The following ASTN2 variants were observed in gnomAD, a reference collection of about 807,000 sequenced individuals.
The protein encoded by ASTN2 is astrotactin 2.
ASTN2 carries 54 observed loss-of-function variants against 139.8 expected under a neutral mutation model. The observed-to-expected ratio is 0.39, with a 90% CI of 0.31 to 0.48. The LOEUF is 0.48. ASTN2 is among the 20% of genes least tolerant of loss of function. ASTN2 has a pLI of 0.95. For missense variants in ASTN2, 1,565 were observed against 1,725.1 expected (o/e 0.91, Z 1.64); for synonymous variants, 756 against 719.5 (o/e 1.05, Z -0.81).
At chr9:117,001,845 G>A (rs1158465228) in intron 7 of ASTN2, among the ~76,000 whole-genome samples, 1 of 152,090 alleles carries the variant, frequency 6.6e-6, no homozygotes, top group Non-Finnish European at 1.5e-5. Context: ...AGCTATATAT[G>A]AGCAGATTAT....
At chr9:116,499,394 T>C (rs1218742796) in intron 19 of ASTN2, among the ~76,000 whole-genome samples, 2 of 152,134 alleles carry the variant, frequency 1.3e-5, no homozygotes. Context: ...ACAACTAATG[T>C]TCATCCCTTA....
intron 2 of ASTN2, 138 bp downstream of exon 2, chr9:117,291,188 G>A: frequency 9.0e-7 from 1 of 1,115,006 alleles, no homozygotes. Flanking sequence ...GAATCCATCT[G>A]ATTTTCTGTT....
At chr9:117,337,766 T>C (rs987228886) in intron 1 of ASTN2, among the ~76,000 whole-genome samples, 2 of 152,074 alleles carry the variant, frequency 1.3e-5, no homozygotes, top group Non-Finnish European at 2.9e-5. Flanking sequence ...AAACACTATA[T>C]GGGGCACAAT....
At chr9:117,322,564 C>A (rs939672499) in intron 1 of ASTN2, among the ~76,000 whole-genome samples, 1 of 152,190 alleles carries the variant, frequency 6.6e-6, no homozygotes, top group Non-Finnish European at 1.5e-5. Context: ...GCATGGCTGA[C>A]ATTCTGCCTT....
chr9:116,741,360 G>C (rs774766761), intron 13 of ASTN2, among the ~76,000 whole-genome samples: 34 of 152,140 alleles, frequency 2.2e-4, no homozygotes, highest in Non-Finnish European at 4.4e-4. Flanking sequence ...GAGTTTGCAG[G>C]GAGGGGCTTG....
intron 4 of ASTN2, among the ~76,000 whole-genome samples, chr9:117,104,234 G>A (rs1829049645): frequency 6.6e-6 from 1 of 151,986 alleles, no homozygotes; most frequent in Admixed American, 6.6e-5. Flanking sequence ...ATAATTTCAG[G>A]GAAAGAATAA....
intron 5 of ASTN2, among the ~76,000 whole-genome samples, chr9:117,066,830 T>A (rs1827961949): frequency 6.8e-6 from 1 of 147,234 alleles, no homozygotes; most frequent in Non-Finnish European, 1.5e-5. Flanking sequence ...GTTCATGTCC[T>A]TCGCCCACTT....
chr9:117,131,924 A>C (rs894713195), intron 4 of ASTN2, among the ~76,000 whole-genome samples: 4 of 152,226 alleles, frequency 2.6e-5, no homozygotes, highest in Non-Finnish European at 5.9e-5. Context: ...ATATTGGCTT[A>C]AAATAAACCT....
chr9:116,512,749 T>A (rs1850453979), intron 19 of ASTN2, among the ~76,000 whole-genome samples: 1 of 152,228 alleles, frequency 6.6e-6, no homozygotes, highest in Non-Finnish European at 1.5e-5. Flanking sequence ...CCCTTTGCCA[T>A]TATGTAATGG....
At chr9:116,891,555 G>C (rs202217658) in intron 10 of ASTN2, among the ~76,000 whole-genome samples, 1 of 152,208 alleles carries the variant, frequency 6.6e-6, no homozygotes, top group East Asian at 1.9e-4. Context: ...AGAAGCACAT[G>C]GGTGTGCACA....
chr9:117,053,453 T>TG (rs1438988610), intron 5 of ASTN2, among the ~76,000 whole-genome samples: 1 of 145,378 alleles, frequency 6.9e-6, no homozygotes, highest in African/African-American at 2.6e-5. Context: ...CCCTGTCTCT[T>TG]GAAAAAAAAA....
chr9:116,783,125 T>G (rs901676251), intron 13 of ASTN2, among the ~76,000 whole-genome samples: 14 of 152,164 alleles, frequency 9.2e-5, no homozygotes, highest in African/African-American at 3.4e-4. Context: ...ATATCGCAAC[T>G]GTCAGGCTTT....
rs535556993 is a variant in ASTN2 at position 117,343,990 on chromosome 9, T to A, written c.443-52477A>T. On this transcript the variant is annotated intron_variant, in intron 1 of 22. Coordinates refer to ENST00000313400, the MANE Select transcript of ASTN2 (RefSeq NM_001365068.1). ...GGGGATGAAGGAGCTGGAAATACTC[T>A]GAAAATGTCACCCAAAGCATCTCTG... 2.5e-3 allele frequency among the ~76,000 whole-genome samples: 375 copies of A among 152,240 alleles called. 1 individual carries two copies. Among genetic ancestry groups the A allele is most frequent in the African/African-American group, 8.4e-3 (347 of 41,542 alleles).
At chr9:116,443,240 TG>T (rs1019822941) in intron 20 of ASTN2, among the ~76,000 whole-genome samples, 1 of 152,052 alleles carries the variant, frequency 6.6e-6, no homozygotes, top group Non-Finnish European at 1.5e-5. Flanking sequence ...AAGGAAGACC[TG>T]GGGAAAGAGC....
chr9:117,124,250 C>A (rs1829630993), intron 4 of ASTN2, among the ~76,000 whole-genome samples: 3 of 152,050 alleles, frequency 2.0e-5, no homozygotes, highest in Admixed American at 1.3e-4. Context: ...AGTTGCTTTC[C>A]CTCTCTGTGC....
At chr9:117,153,453 G>A (rs944692249) in intron 3 of ASTN2, among the ~76,000 whole-genome samples, 4 of 151,972 alleles carry the variant, frequency 2.6e-5, no homozygotes, top group African/African-American at 9.7e-5. Context: ...TGTTTGTTAC[G>A]TAGCATTGTT....
intron 4 of ASTN2, among the ~76,000 whole-genome samples, chr9:117,123,984 A>T (rs894339382): frequency 6.6e-6 from 1 of 152,126 alleles, no homozygotes; most frequent in Non-Finnish European, 1.5e-5. Context: ...CGTAGCGTAC[A>T]CCCGAACAAT....
rs762954296 is a variant in ASTN2 at position 116,863,713 on chromosome 9, G to A, written c.1910C>T (p.Thr637Ile). ...ADVREEAMLS[T>I]YFETINDLLS... Reference sequence around the variant, plus strand: ...CAGGTCATTGATGGTTTCAAAGTATGTGGACAGCATCGCTTCTTCCCTTGG... The same window carrying A: ...CAGGTCATTGATGGTTTCAAAGTATATGGACAGCATCGCTTCTTCCCTTGG... Residue 637 changes from threonine (T) to isoleucine (I), a missense_variant, in exon 11 of 23, where the codon ACA (threonine) becomes ATA (isoleucine). Around this residue, in one of 4 missense-constraint regions of ASTN2, gnomAD observed 503 missense variants for 591.7 expected, o/e 0.85. Coordinates refer to ENST00000313400, the MANE Select transcript of ASTN2 (RefSeq NM_001365068.1). The A allele has an allele frequency of 5.6e-6, 9 of 1,613,876 alleles. No individual in the cohort carries two copies. In the African/African-American group the frequency reaches 8.0e-5, roughly 14 times the overall value.
intron 4 of ASTN2, among the ~76,000 whole-genome samples, chr9:117,121,464 T>G (rs1042061119): frequency 6.6e-6 from 1 of 152,178 alleles, no homozygotes; most frequent in African/African-American, 2.4e-5. Context: ...GCAGAATGCT[T>G]GGTAGGCCTC....
Sources: allele counts gnomAD v4.1 joint callset (sites outside exome capture counted in the v4.1 genomes callset), GRCh38; gene constraint gnomAD v4.1.1; regional missense constraint gnomAD v4.1.1; transcripts MANE v1.5; gene names NCBI Gene and HGNC (gene_info 2026-07-23, HGNC 2026-07-21).